The following PLEKHA7 variants were observed in gnomAD, a reference collection of about 807,000 sequenced individuals.
The protein encoded by PLEKHA7 is pleckstrin homology domain-containing family A member 7.
A neutral mutation model predicts 170.0 loss-of-function variants in PLEKHA7; 104 were observed. That is an observed-to-expected ratio of 0.61 (90% confidence interval 0.52 to 0.72). The LOEUF is 0.72. PLEKHA7 is among the 30% of genes least tolerant of loss of function. PLEKHA7 has a pLI of 0.00. For missense variants in PLEKHA7, 1,615 were observed against 1,671.7 expected (o/e 0.97, Z 0.59); for synonymous variants, 648 against 660.8 (o/e 0.98, Z 0.30).
At chr11:16,897,075 C>A (rs76645363) in intron 3 of PLEKHA7, among the ~76,000 whole-genome samples, 2,367 of 152,180 alleles carry the variant, frequency 0.016, 62 homozygotes, top group African/African-American at 0.054. Flanking sequence ...TATATAACGC[C>A]CTGACAGTTG....
intron 3 of PLEKHA7, among the ~76,000 whole-genome samples, chr11:16,977,904 G>T (rs544395821): frequency 1.3e-5 from 2 of 152,312 alleles, no homozygotes. Flanking sequence ...TCGGTCTGCT[G>T]TGAGGATGAA....
intron 3 of PLEKHA7, among the ~76,000 whole-genome samples, chr11:16,975,692 A>T (rs1339176510): frequency 6.6e-6 from 1 of 152,238 alleles, no homozygotes; most frequent in East Asian, 1.9e-4. Flanking sequence ...ATATAAATAC[A>T]TAGATACACA....
chr11:16,874,514 A>T (rs1855132001), intron 3 of PLEKHA7, among the ~76,000 whole-genome samples: 1 of 152,128 alleles, frequency 6.6e-6, no homozygotes, highest in African/African-American at 2.4e-5. Context: ...CCAAAAACAA[A>T]CAAACAAAAA....
At chr11:16,814,207 A>G (rs901465549) in intron 12 of PLEKHA7, among the ~76,000 whole-genome samples, 2 of 152,186 alleles carry the variant, frequency 1.3e-5, no homozygotes, top group South Asian at 4.2e-4. Flanking sequence ...CTTCCCAAAC[A>G]GCTCAGTCCC....
intron 3 of PLEKHA7, among the ~76,000 whole-genome samples, chr11:16,934,105 C>T (rs552241508): frequency 2.9e-4 from 44 of 152,244 alleles, no homozygotes; most frequent in African/African-American, 1.0e-3. Context: ...GATAAGTTAT[C>T]GTGCCTCCTG....
At chr11:16,837,367 C>G (rs1851599205) in intron 9 of PLEKHA7, among the ~76,000 whole-genome samples, 1 of 152,188 alleles carries the variant, frequency 6.6e-6, no homozygotes, top group Admixed American at 6.5e-5. Context: ...ATTCATCAAT[C>G]ATGCATTTTT....
Position 16,795,121 on chromosome 11 carries a change from G to T in PLEKHA7, c.2410-103C>A, listed in dbSNP as rs1054932426. The T allele has an allele frequency of 2.7e-5, 22 of 823,284 alleles. No individual in the cohort carries two copies. The Admixed American group carries it at 3.2e-4, about 12-fold the overall frequency. The allele number at this position is 823,284 out of a possible 1,614,324, so 51.0% of individuals were successfully genotyped here. A position where few individuals can be genotyped will look rare whatever the true frequency, so the allele number is the denominator to read the frequency against. On this transcript the variant is annotated intron_variant, in intron 17 of 26. Coordinates refer to ENST00000531066, the MANE Select transcript of PLEKHA7 (RefSeq NM_001329630.2). The stretch of plus-strand genomic sequence containing the variant: ...ACAGAGCCCCCCGCCCTGAGGGGCA[G>T]CATCCCCTCTGGAAACCCCACTAGT...
At chr11:16,957,697 C>CTTTTTTTT (rs1169142909) in intron 3 of PLEKHA7, among the ~76,000 whole-genome samples, 5 of 87,294 alleles carry the variant, frequency 5.7e-5, no homozygotes, top group Non-Finnish European at 8.0e-5. Flanking sequence ...TAATTTTTTT[C>CTTTTTTTT]TTTTTTTTTT....
Position 16,880,247 on chromosome 11 carries a change from C to CCTG in PLEKHA7, c.222-9068_222-9066dup, listed in dbSNP as rs1478090210. ...TCTCCATCTAGAAAGGCCACACAGGCCTGCAGGAAGCCCAGGCAGATCAGA... is the reference window on the plus strand; with the variant it reads ...TCTCCATCTAGAAAGGCCACACAGGCCTGCTGCAGGAAGCCCAGGCAGATCAGA... On this transcript the variant is annotated intron_variant, in intron 3 of 26. Coordinates refer to ENST00000531066, the MANE Select transcript of PLEKHA7 (RefSeq NM_001329630.2). Among the ~76,000 whole-genome samples the CCTG allele has an allele frequency of 1.1e-4, 16 of 152,232 alleles. No homozygotes were observed. The South Asian group carries it at 1.2e-3, about 12-fold the overall frequency.
rs767854655 is a variant in PLEKHA7, at chr11:16,794,901, A to G, written c.2518+9T>C. The G allele has an allele frequency of 1.3e-6, 2 of 1,593,624 alleles. No homozygotes were observed. Among genetic ancestry groups the G allele is most frequent in the Non-Finnish European group, 8.6e-7 (1 of 1,161,720 alleles). On this transcript the variant is annotated intron_variant, in intron 18 of 26. Transcript: ENST00000531066. ...AGATCCCCCACATCCAGGAAGATGA[A>G]CATCTCACCCGGATTTTTTACTGAC... is the stretch of plus-strand genomic sequence containing the variant.
intron 4 of PLEKHA7, among the ~76,000 whole-genome samples, chr11:16,857,086 T>A (rs914190545): frequency 2.0e-5 from 3 of 152,324 alleles, no homozygotes; most frequent in East Asian, 3.9e-4. Context: ...ACATCCTAGT[T>A]TCCACCATGG....
chr11:16,990,289 A>AC (rs775411034), intron 3 of PLEKHA7, among the ~76,000 whole-genome samples: 6,299 of 148,632 alleles, frequency 0.042, 408 homozygotes, highest in East Asian at 0.14. Context: ...AAAAAAAAAA[A>AC]AAAAAAAAAA....
chr11:16,970,388 G>A (rs1862634810), intron 3 of PLEKHA7, among the ~76,000 whole-genome samples: 1 of 152,290 alleles, frequency 6.6e-6, no homozygotes, highest in Non-Finnish European at 1.5e-5. Flanking sequence ...GCTGGGCACA[G>A]TGGCTCACTC....
intron 4 of PLEKHA7, among the ~76,000 whole-genome samples, chr11:16,865,367 C>T (rs1395023685): frequency 1.3e-5 from 2 of 152,208 alleles, no homozygotes; most frequent in Non-Finnish European, 2.9e-5. Context: ...TTGACTGATG[C>T]CTAGTCCCCT....
At position 16,800,991 on chromosome 11, in the gene PLEKHA7, T is replaced by C. The variant is rs1848557624; in HGVS notation, c.2392A>G (p.Arg798Gly). The change falls in exon 17 of 27, where the codon AGA (arginine) becomes GGA (glycine). Residue 798 changes from arginine to glycine, a missense_variant. Transcript: ENST00000531066. Reference protein sequence around the residue: ...LKQTLQEQHRRAFFFQEKSQI... With the variant: ...LKQTLQEQHRGAFFFQEKSQI... ...CAGGTCACCTGGAAAAAAAAGGCTC[T>C]TCTGTGTTGCTCCTGCAGGGTCTGC... The C allele has an allele frequency of 1.2e-6, 2 of 1,614,092 alleles. No individual in the cohort carries two copies. The highest frequency in any genetic ancestry group is 8.5e-7 in the Non-Finnish European group (1 of 1,180,016).
intron 3 of PLEKHA7, among the ~76,000 whole-genome samples, chr11:16,926,072 T>G (rs1433330637): frequency 6.6e-6 from 1 of 152,176 alleles, no homozygotes; most frequent in Non-Finnish European, 1.5e-5. Flanking sequence ...TCGTCTCCCC[T>G]CCAAGAGTCC....
Position 16,791,095 on chromosome 11 carries a change from G to A in PLEKHA7, c.2850C>T (p.His950=). 6.2e-7 allele frequency: 1 copy of A among 1,614,188 alleles called. No homozygotes were observed. Among genetic ancestry groups the A allele is most frequent in the East Asian group, 2.2e-5 (1 of 44,862 alleles). ...PLPREATIIR[H]TSVRGLKRQS... ...GCCGCTTGAGGCCCCGCACAGATGT[G>A]TGCCGGATGATGGTGGCCTCTCTTG... The change falls in exon 20 of 27, where the codon CAC becomes CAT. Residue 950 remains histidine (H), a synonymous_variant. Transcript: ENST00000531066. This position sits in a 1 kb window ranked among gnomAD's most constrained non-coding sequence, Gnocchi z 4.5.
At chr11:16,962,054 G>T (rs1322360625) in intron 3 of PLEKHA7, among the ~76,000 whole-genome samples, 1 of 152,202 alleles carries the variant, frequency 6.6e-6, no homozygotes, top group East Asian at 1.9e-4. Context: ...GGGAGGAAAT[G>T]GGGGGAAGCA....
chr11:16,790,875 G>T lies in PLEKHA7; in HGVS notation c.2975C>A (p.Thr992Asn). The change falls in exon 21 of 27, where the codon ACC becomes AAC. Residue 992 changes from threonine (T) to asparagine (N), a missense_variant. By Grantham distance (65) the Thr-to-Asn change is moderately conservative (BLOSUM62 0). Transcript: ENST00000531066. ...GGGCTGGGCCATGTCCCCGCTGAGG[G>T]TCGCCAGCTCAGGCTCACTGACATA... is the stretch of plus-strand genomic sequence containing the variant. ...RSYVSEPELA[T>N]LSGDMAQPSL... 2 of 1,612,218 alleles carry T rather than the reference G, an allele frequency of 1.2e-6. No homozygotes were observed. Among genetic ancestry groups the T allele is most frequent in the South Asian group, 2.2e-5 (2 of 90,768 alleles).
Sources: allele counts gnomAD v4.1 joint callset (sites outside exome capture counted in the v4.1 genomes callset), GRCh38; gene constraint gnomAD v4.1.1; non-coding constraint Gnocchi (gnomAD v3.1); transcripts MANE v1.5; gene names NCBI Gene and HGNC (gene_info 2026-07-23, HGNC 2026-07-21).